The following ARHGAP44 variants were observed in gnomAD, a reference collection of about 807,000 sequenced individuals.
ARHGAP44 encodes Rho GTPase activating protein 44, also known as rho GTPase-activating protein 44.
In ARHGAP44, 43 loss-of-function variants were observed where a neutral mutation model predicts 106.8. That is an observed-to-expected ratio of 0.40 (90% CI 0.32 to 0.52). The LOEUF (loss-of-function observed/expected upper bound fraction) is 0.52, where lower values mean the gene tolerates loss of function less well. Among genes scored for constraint, ARHGAP44 ranks in the 20% least tolerant of loss-of-function variants. The pLI, the probability that ARHGAP44 is intolerant of heterozygous loss-of-function variation, is 0.48. For synonymous variants in ARHGAP44, 439 were observed against 410.3 expected, an observed-to-expected ratio of 1.07 and a Z score of -0.85; for missense variants, 866 against 1,050.5, an observed-to-expected ratio of 0.82 and a Z score of 2.43.
chr17:12,957,150 G>T lies in ARHGAP44; in HGVS notation c.1342+404G>T, dbSNP rs187289278. 9.9e-4 allele frequency among the ~76,000 whole-genome samples: 150 copies of T among 152,188 alleles called. 3 individuals carry two copies. In the East Asian group the frequency reaches 0.028, roughly 28 times the overall value. ...ATTTTGTATTTTTAGTAGAGACGGG[G>T]TTTCTCCATGTCGCTCAGGCTGGTC... is the stretch of plus-strand genomic sequence containing the variant. On this transcript the variant is annotated intron_variant, in intron 15 of 20. Coordinates refer to ENST00000379672, the MANE Select transcript of ARHGAP44 (RefSeq NM_014859.6).
At chr17:12,927,081 T>G (rs1266355034) in intron 6 of ARHGAP44, among the ~76,000 whole-genome samples, 2 of 152,232 alleles carry the variant, frequency 1.3e-5, no homozygotes, top group East Asian at 3.8e-4. Context: ...AATCTTGATC[T>G]GTTATTTTTT....
rs71369355 is a variant in ARHGAP44, at chr17:12,963,046, CAAAAAAAA to C, written c.1523+4166_1523+4173del. Among the ~76,000 whole-genome samples the C allele has an allele frequency of 5.1e-4, 36 of 70,958 alleles. 2 individuals carry two copies. In the East Asian group the frequency reaches 5.6e-3, roughly 11 times the overall value. The allele number at this position is 70,958 out of a possible 152,430, so 46.6% of individuals were successfully genotyped here. A position where few individuals can be genotyped will look rare whatever the true frequency, so the allele number is the denominator to read the frequency against. ...GGGCAACAGGAGTGAAACACCATCT[CAAAAAAAA>C]AAAAAAAAAAAAAAAAGCAATTTCT... is the stretch of plus-strand genomic sequence containing the variant. On this transcript the variant is annotated intron_variant, in intron 16 of 20. Coordinates refer to ENST00000379672, the MANE Select transcript of ARHGAP44 (RefSeq NM_014859.6).
At position 12,980,199 on chromosome 17, in the gene ARHGAP44, G is replaced by T. The variant is rs377352989; in HGVS notation, c.1905G>T (p.Pro635=). The T allele has an allele frequency of 6.2e-7, 1 of 1,613,054 alleles. No homozygotes were observed. Among genetic ancestry groups the T allele is most frequent in the Non-Finnish European group, 8.5e-7 (1 of 1,179,834 alleles). Residue 635 remains proline, a synonymous_variant, in exon 19 of 21, where the codon CCG becomes CCT. Coordinates refer to ENST00000379672, the MANE Select transcript of ARHGAP44 (RefSeq NM_014859.6). ...GCGCCAGCCCCAGCCCCAGCCAGCC[G>T]CCTGCAGACCAGAGTCCTCACACCC... The part of the protein sequence containing the change: ...QPGASPSPSQ[P]PADQSPHTLR...
chr17:12,846,673 C>T (rs977384599), intron 1 of ARHGAP44, among the ~76,000 whole-genome samples: 7 of 152,156 alleles, frequency 4.6e-5, no homozygotes. Context: ...ATCTTGAAAA[C>T]CTGAGACATC....
rs1255131216 is a variant in ARHGAP44, at chr17:12,991,258, A to G, written c.*1087A>G. ...AGGGGAGTGAGAAAAGATTTGGGCC[A>G]TGCATGCAAAGTCAAAGTTTAAAAT... On this transcript the variant is annotated 3_prime_UTR_variant, in exon 21 of 21. Coordinates refer to ENST00000379672, the MANE Select transcript of ARHGAP44 (RefSeq NM_014859.6). 6.6e-6 allele frequency: 1 copy of G among 152,648 alleles called. No homozygotes were observed. The highest frequency in any genetic ancestry group is 2.4e-5 in the African/African-American group (1 of 41,456). The allele number at this position is 152,648 out of a possible 1,614,324, so 9.5% of individuals were successfully genotyped here. A position where few individuals can be genotyped will look rare whatever the true frequency, so the allele number is the denominator to read the frequency against.
intron 3 of ARHGAP44, among the ~76,000 whole-genome samples, chr17:12,899,657 AT>A (rs2037315846): frequency 6.7e-6 from 1 of 148,466 alleles, no homozygotes; most frequent in South Asian, 2.2e-4. Flanking sequence ...TGTCTCGGGA[AT>A]TGAATGTTAA....
intron 1 of ARHGAP44, among the ~76,000 whole-genome samples, chr17:12,883,175 GT>G (rs35187904): frequency 1.3e-5 from 2 of 148,286 alleles, no homozygotes; most frequent in Non-Finnish European, 3.0e-5. Context: ...TTTTGTCTAA[GT>G]TTTTTTTTTA....
rs538901122 is a variant in ARHGAP44 at position 12,919,678 on chromosome 17, G to A, written c.388-77G>A. 7.2e-5 allele frequency: 96 copies of A among 1,332,472 alleles called. No individual in the cohort carries two copies. In the East Asian group the frequency reaches 8.7e-4, roughly 12 times the overall value. 82.5% of individuals were successfully genotyped at this position (1,332,472 alleles called of 1,614,324 possible). A position where few individuals can be genotyped will look rare whatever the true frequency, so the allele number is the denominator to read the frequency against. On this transcript the variant is annotated intron_variant, in intron 5 of 20. Coordinates refer to ENST00000379672, the MANE Select transcript of ARHGAP44 (RefSeq NM_014859.6). ...TGGGATTAGAGGCATGAGCCACCGC[G>A]CCTGGCCAGGAATGGTTCCTAAAGA... is the stretch of plus-strand genomic sequence containing the variant.
intron 1 of ARHGAP44, among the ~76,000 whole-genome samples, chr17:12,838,317 A>G (rs1351849489): frequency 6.6e-6 from 1 of 152,248 alleles, no homozygotes; most frequent in African/African-American, 2.4e-5. Flanking sequence ...TTTTGTTAAA[A>G]ATGCCTATGT....
rs1251547007 is a variant in ARHGAP44, at chr17:12,802,951, ATATATATATATATATATATTTT to A, written c.53+13062_53+13083del. On this transcript the variant is annotated intron_variant, in intron 1 of 20. Coordinates refer to ENST00000379672, the MANE Select transcript of ARHGAP44 (RefSeq NM_014859.6). ...TTTATATATATATATATATATATAT[ATATATATATATATATATATTTT>A]TTTTTTTTTTTTTTTTTGAGGCAGA... is the stretch of plus-strand genomic sequence containing the variant. Among the ~76,000 whole-genome samples the A allele has an allele frequency of 2.0e-4, 4 of 19,860 alleles. No homozygotes were observed. The South Asian group carries it at 9.9e-3, about 49-fold the overall frequency. The allele number at this position is 19,860 out of a possible 152,430, so 13.0% of individuals were successfully genotyped here. A position where few individuals can be genotyped will look rare whatever the true frequency, so the allele number is the denominator to read the frequency against.
At chr17:12,918,578 G>C (rs2037984511) in intron 5 of ARHGAP44, among the ~76,000 whole-genome samples, 1 of 152,142 alleles carries the variant, frequency 6.6e-6, no homozygotes, top group Admixed American at 6.5e-5. Context: ...AGCCATGATG[G>C]CAATGTTTAT....
At chr17:12,858,802 AAG>A (rs2035982278) in intron 1 of ARHGAP44, among the ~76,000 whole-genome samples, 1 of 152,186 alleles carries the variant, frequency 6.6e-6, no homozygotes, top group African/African-American at 2.4e-5. Flanking sequence ...TATAAAGAAA[AAG>A]AGGTTTAGTG....
intron 1 of ARHGAP44, among the ~76,000 whole-genome samples, chr17:12,843,149 T>G (rs369229407): frequency 1.1e-4 from 17 of 152,328 alleles, no homozygotes; most frequent in East Asian, 9.6e-4. Context: ...ATGTCCCTTC[T>G]GCCCTATTAT....
At position 12,832,853 on chromosome 17, in the gene ARHGAP44, T is replaced by A. The variant is rs528401106; in HGVS notation, c.53+42962T>A. 6.6e-5 allele frequency among the ~76,000 whole-genome samples: 10 copies of A among 152,376 alleles called. No homozygotes were observed. The South Asian group carries it at 2.1e-3, about 32-fold the overall frequency. ...GGGAAACATTGGAAGTCTGTAAAGA[T>A]CATTCTGGATTGTCCATGGTTGGTT... On this transcript the variant is annotated intron_variant, in intron 1 of 20. Transcript: ENST00000379672.
intron 1 of ARHGAP44, among the ~76,000 whole-genome samples, chr17:12,861,643 A>ATTTTTTTTTTTTTTTTT (rs2036079282): frequency 7.9e-5 from 2 of 25,266 alleles, no homozygotes; most frequent in African/African-American, 1.2e-4. Context: ...CTCCTCTTCC[A>ATTTTTTTTTTTTTTTTT]CTTTTTTTTT....
intron 10 of ARHGAP44, among the ~76,000 whole-genome samples, chr17:12,945,465 A>T (rs532410642): frequency 1.3e-5 from 2 of 152,290 alleles, no homozygotes; most frequent in African/African-American, 4.8e-5. Flanking sequence ...GGCATGCGGT[A>T]CGTGTTTTAT....
chr17:12,965,655 C>A (rs573319651), intron 16 of ARHGAP44, among the ~76,000 whole-genome samples: 16 of 152,318 alleles, frequency 1.1e-4, no homozygotes, highest in African/African-American at 3.6e-4. Context: ...AAACCAGTTT[C>A]TTTAGTGTAT....
At chr17:12,845,584 TCTTG>T (rs1173559103) in intron 1 of ARHGAP44, among the ~76,000 whole-genome samples, 2 of 152,076 alleles carry the variant, frequency 1.3e-5, no homozygotes, top group Non-Finnish European at 2.9e-5. Context: ...ACCTTATCTG[TCTTG>T]CTTCTCATTT....
At chr17:12,819,130 A>G (rs2034686158) in intron 1 of ARHGAP44, among the ~76,000 whole-genome samples, 1 of 152,134 alleles carries the variant, frequency 6.6e-6, no homozygotes, top group Non-Finnish European at 1.5e-5. Flanking sequence ...AATACGATCA[A>G]TTGATTTTGA....
Sources: allele counts gnomAD v4.1 joint callset (sites outside exome capture counted in the v4.1 genomes callset), GRCh38; gene constraint gnomAD v4.1.1; transcripts MANE v1.5; gene names NCBI Gene and HGNC (gene_info 2026-07-23, HGNC 2026-07-21).